TEAD2: variants seen among roughly 807,000 people sequenced by gnomAD.
The protein encoded by TEAD2 is TEA domain transcription factor 2, also known as transcriptional enhancer factor TEF-4.
In TEAD2, 51 loss-of-function variants were observed where a neutral mutation model predicts 61.4. The ratio of observed to expected loss-of-function variants is 0.83; its 90% confidence interval spans 0.66 to 1.05. TEAD2 has a LOEUF of 1.05. Among genes scored for constraint, TEAD2 ranks in the 50% least tolerant of loss-of-function variants. TEAD2 has a pLI of 0.00. For missense variants in TEAD2, 509 were observed against 600.0 expected (o/e 0.85, Z 1.58); for synonymous variants, 244 against 243.2 (o/e 1.00, Z -0.03).
At chr19:49,348,584 A>G in intron 9 of TEAD2, 119 bp downstream of exon 9, 1 of 938,588 alleles carries the variant, frequency 1.1e-6, no homozygotes, top group Non-Finnish European at 1.7e-6. Context: ...CTGTTTTAAG[A>G]AGCCCTTCAG....
At chr19:49,344,271 T>C (rs1156287357) in intron 10 of TEAD2, among the ~76,000 whole-genome samples, 1 of 151,986 alleles carries the variant, frequency 6.6e-6, no homozygotes, top group Non-Finnish European at 1.5e-5. Flanking sequence ...TGGAATTCAA[T>C]TTCAACCTTT....
In TEAD2 at chr19:49,341,276, C is replaced by T. The variant is rs756031883; in HGVS notation, c.*48G>A. ...GCATGAGGTGAGCTGGAGGACCCTCCCTGGGAGGAGGGTGTTCTGGGGGGT... is the reference window on the plus strand; with the variant it reads ...GCATGAGGTGAGCTGGAGGACCCTCTCTGGGAGGAGGGTGTTCTGGGGGGT... On this transcript the variant is annotated 3_prime_UTR_variant, in exon 13 of 13. Coordinates refer to ENST00000593945, the MANE Select transcript of TEAD2 (RefSeq NM_001256660.2). This position sits in a 1 kb window ranked among gnomAD's most constrained non-coding sequence, Gnocchi z 4.2. 1 of 1,517,784 alleles carries T rather than the reference C, an allele frequency of 6.6e-7. No homozygotes were observed. Among genetic ancestry groups the T allele is most frequent in the Non-Finnish European group, 9.1e-7 (1 of 1,093,798 alleles). 94.0% of individuals were successfully genotyped at this position (1,517,784 alleles called of 1,614,324 possible).
intron 11 of TEAD2, 113 bp downstream of exon 11, chr19:49,343,118 G>T: frequency 7.8e-7 from 1 of 1,287,072 alleles, no homozygotes; most frequent in Non-Finnish European, 1.0e-6. Flanking sequence ...AACCCTCAAA[G>T]AGGCTGGGAC....
At position 49,351,316 on chromosome 19, in the gene TEAD2, A is replaced by G. The variant is rs754369755; in HGVS notation, c.589T>C (p.Ser197Pro). ...TPFTLSLTPP[S>P]TDLPGYEPPQ... ...AGGCTCTTACCTGGGAGGTCAGTAG[A>G]TGGGGGAGTCAGTGACAAGGTGAAC... is the stretch of plus-strand genomic sequence containing the variant. The change falls in exon 8 of 13, where the codon TCT (serine) becomes CCT (proline). Residue 197 changes from serine (S) to proline (P), a missense_variant. Transcript: ENST00000593945. 5 of 1,612,456 alleles carry G rather than the reference A, an allele frequency of 3.1e-6. No individual in the cohort carries two copies. In the South Asian group the frequency reaches 5.5e-5, roughly 18 times the overall value.
chr19:49,351,457 C>T, intron 7 of TEAD2, 92 bp from the exon 8 acceptor site: 1 of 1,238,714 alleles, frequency 8.1e-7, no homozygotes, highest in Non-Finnish European at 1.1e-6. Flanking sequence ...AAGCAAGACC[C>T]TGTGCATTTT....
chr19:49,350,366 C>G (rs1014782073), intron 8 of TEAD2, among the ~76,000 whole-genome samples: 3 of 152,132 alleles, frequency 2.0e-5, no homozygotes, highest in Admixed American at 6.5e-5. Flanking sequence ...GTCGCCCAGT[C>G]TGGAGTGCAA....
At position 49,342,555 on chromosome 19, in the gene TEAD2, C is replaced by T. The variant is rs1403482338; in HGVS notation, c.1125G>A (p.Val375=). 6.2e-7 allele frequency: 1 copy of T among 1,613,902 alleles called. No homozygotes were observed. The highest frequency in any genetic ancestry group is 1.7e-5 in the Admixed American group (1 of 60,006). Residue 375 remains valine (V), a synonymous_variant, in exon 12 of 13, where the codon GTG becomes GTA. Transcript: ENST00000593945. ...ACATGGGCGAGCGCAGCAGGCGGTA[C>T]ACAAATCTGCCGTCCTCCAGCTGGG... ...ERAQLEDGRF[V]YRLLRSPMCE... is the part of the protein sequence containing the mutation.
At position 49,347,323 on chromosome 19, in the gene TEAD2, G is replaced by T; in HGVS notation, c.788C>A (p.Pro263His). 1 of 1,612,660 alleles carries T rather than the reference G, an allele frequency of 6.2e-7. No individual in the cohort carries two copies. The change falls in exon 10 of 13, where the codon CCC becomes CAC. Residue 263 changes from proline (P) to histidine (H), a missense_variant. Coordinates refer to ENST00000593945, the MANE Select transcript of TEAD2 (RefSeq NM_001256660.2). ...HLFVHISQHC[P>H]SPGAPPLESV... is the part of the protein sequence containing the mutation. ...CTCGAGCGGCGGCGCTCCGGGGCTG[G>T]GGCAGTGCTGGCTGATGTGCACGAA...
chr19:49,349,965 G>C (rs2146422040), intron 8 of TEAD2, among the ~76,000 whole-genome samples: 1 of 152,308 alleles, frequency 6.6e-6, no homozygotes, highest in South Asian at 2.1e-4. Context: ...CAGGCTTTTT[G>C]TTGCATGGAT....
chr19:49,348,229 A>C (rs967362264), intron 9 of TEAD2, among the ~76,000 whole-genome samples: 1 of 152,238 alleles, frequency 6.6e-6, no homozygotes, highest in Non-Finnish European at 1.5e-5. Context: ...CTTATCTGGC[A>C]TTCAGTCCCT....
intron 8 of TEAD2, among the ~76,000 whole-genome samples, chr19:49,350,336 T>C (rs1333463754): frequency 6.6e-6 from 1 of 152,180 alleles, no homozygotes; most frequent in East Asian, 1.9e-4. Context: ...TTTATTTATT[T>C]TGAGACAGAG....
At chr19:49,355,021 G>GCATGCATACATACATACATA (rs1555784787) in intron 7 of TEAD2, 127 bp downstream of exon 7, 6 of 630,502 alleles carry the variant, frequency 9.5e-6, no homozygotes, top group Non-Finnish European at 1.7e-5. Flanking sequence ...ATACATACAT[G>GCATGCATACATACATACATA]CATACATACA....
chr19:49,358,735 C>A (rs1972583212), intron 3 of TEAD2, among the ~76,000 whole-genome samples: 1 of 151,022 alleles, frequency 6.6e-6, no homozygotes, highest in Non-Finnish European at 1.5e-5. Context: ...CGGGTTCAAG[C>A]GATTTTCGTG....
intron 1 of TEAD2, among the ~76,000 whole-genome samples, chr19:49,360,624 G>A (rs957384891): frequency 6.6e-6 from 1 of 151,912 alleles, no homozygotes; most frequent in African/African-American, 2.4e-5. Context: ...GAAGGAAGGT[G>A]TGGGTGAAAC....
intron 8 of TEAD2, among the ~76,000 whole-genome samples, chr19:49,349,591 C>CT (rs772493776): frequency 6.6e-6 from 1 of 152,036 alleles, no homozygotes; most frequent in Non-Finnish European, 1.5e-5. Flanking sequence ...AATTCTCACT[C>CT]TTTGAGTTGA....
chr19:49,355,589 G>A (rs116793390), intron 5 of TEAD2, among the ~76,000 whole-genome samples, 170 bp from the exon 6 acceptor site: 1,599 of 152,276 alleles, frequency 0.011, 28 homozygotes, highest in African/African-American at 0.036. Flanking sequence ...CACTCTGGGA[G>A]CCGGAGGCGG....
chr19:49,344,220 A>G (rs1032814849), intron 10 of TEAD2, among the ~76,000 whole-genome samples: 12 of 151,918 alleles, frequency 7.9e-5, no homozygotes, highest in African/African-American at 2.9e-4. Flanking sequence ...TGGGTCCCCA[A>G]AACAGTCTTG....
intron 3 of TEAD2, chr19:49,357,555 C>G: frequency 1.7e-6 from 1 of 581,734 alleles, no homozygotes; most frequent in East Asian, 2.8e-5. Context: ...CATGCTCTCT[C>G]TGTGGCTACT....
At chr19:49,347,564 C>T (rs1971734173) in intron 9 of TEAD2, 1 of 603,808 alleles carries the variant, frequency 1.7e-6, no homozygotes, top group South Asian at 2.0e-5. Context: ...TGCAGTCCTA[C>T]AGTCCCCAAC....
Sources: allele counts gnomAD v4.1 joint callset (sites outside exome capture counted in the v4.1 genomes callset), GRCh38; gene constraint gnomAD v4.1.1; non-coding constraint Gnocchi (gnomAD v3.1); transcripts MANE v1.5; gene names NCBI Gene and HGNC (gene_info 2026-07-23, HGNC 2026-07-21).